PANK2: variants seen among roughly 807,000 people sequenced by gnomAD.
PANK2 encodes the protein pantothenate kinase 2.
PANK2 carries 36 observed loss-of-function variants against 43.1 expected under a neutral mutation model. That is an observed-to-expected ratio of 0.84 (90% confidence interval 0.64 to 1.10). The LOEUF (loss-of-function observed/expected upper bound fraction) is 1.10. Ranked by LOEUF, PANK2 falls within the 50% of genes least tolerant of loss-of-function variation. The pLI is 0.00. For synonymous variants in PANK2, 281 were observed against 238.2 expected (o/e 1.18, Z -1.66); for missense variants, 576 against 593.3 (o/e 0.97, Z 0.30).
rs541656813 is a variant in PANK2 at position 3,928,716 on chromosome 20, C to G, written c.*5422C>G. ...TGGGCCAAGATCGTGCCACTGCATT[C>G]CAGCCTGGGTGACAGAGCGAGACTC... is the stretch of plus-strand genomic sequence containing the variant. On this transcript the variant is annotated 3_prime_UTR_variant, in exon 7 of 7. Coordinates refer to ENST00000610179, the MANE Select transcript of PANK2 (RefSeq NM_001386393.1). 2.0e-3 allele frequency: 242 copies of G among 120,612 alleles called. No homozygotes were observed. Among genetic ancestry groups the G allele is most frequent in the African/African-American group, 7.3e-3 (237 of 32,472 alleles). The allele number at this position is 120,612 out of a possible 1,614,324, so 7.5% of individuals were successfully genotyped here.
At chr20:3,906,251 C>T (rs1309303549) in intron 1 of PANK2, among the ~76,000 whole-genome samples, 1 of 151,888 alleles carries the variant, frequency 6.6e-6, no homozygotes, top group Non-Finnish European at 1.5e-5. Context: ...TGGGGAAACC[C>T]TGTTTCTACA....
intron 1 of PANK2, among the ~76,000 whole-genome samples, chr20:3,903,523 A>G (rs564620706): frequency 2.2e-5 from 3 of 138,734 alleles, no homozygotes; most frequent in African/African-American, 8.3e-5. Context: ...CTGGAGTGCA[A>G]TGGCATGATC....
At chr20:3,889,760 G>GCCCCC in intron 1 of PANK2, 32 bp downstream of exon 1, 1 of 649,532 alleles carries the variant, frequency 1.5e-6, no homozygotes, top group Non-Finnish European at 2.4e-6. Flanking sequence ...CTCCCGGCCC[G>GCCCCC]CCCTGCCCCC....
chr20:3,904,691 C>G (rs2090357821), intron 1 of PANK2, among the ~76,000 whole-genome samples: 1 of 152,284 alleles, frequency 6.6e-6, no homozygotes, highest in South Asian at 2.1e-4. Context: ...ACACATCTGG[C>G]AATCGTTTTT....
chr20:3,892,654 C>T (rs992021044), intron 1 of PANK2, among the ~76,000 whole-genome samples: 50 of 122,576 alleles, frequency 4.1e-4, no homozygotes, highest in African/African-American at 1.5e-3. Flanking sequence ...CCAGCCTGGG[C>T]GACAGAGCGA....
chr20:3,889,721 G>A lies in PANK2; in HGVS notation c.291G>A (p.Lys97=), dbSNP rs764439399. ...AGCGCGTCGAAAGCCTGAGGAAAAA[G>A]CGGCCGCGTAAGTGTTCCGTGGGGC... Residue 97 remains lysine (K), a synonymous_variant, in exon 1 of 7, where the codon AAG becomes AAA. Transcript: ENST00000610179. 6.7e-5 allele frequency: 107 copies of A among 1,595,776 alleles called. No homozygotes were observed. The highest frequency in any genetic ancestry group is 8.8e-5 in the Non-Finnish European group (104 of 1,179,118).
intron 6 of PANK2, among the ~76,000 whole-genome samples, chr20:3,919,354 A>G (rs2090613540): frequency 6.6e-6 from 1 of 152,140 alleles, no homozygotes; most frequent in African/African-American, 2.4e-5. Flanking sequence ...TTCTGATGCC[A>G]TATTTTTGTC....
At chr20:3,901,586 C>T (rs2090302823) in intron 1 of PANK2, 5 of 981,552 alleles carry the variant, frequency 5.1e-6, no homozygotes, top group Non-Finnish European at 6.0e-6. Context: ...TCTCCCTTCT[C>T]TTCCCTCTTC....
intron 6 of PANK2, among the ~76,000 whole-genome samples, chr20:3,922,103 G>A (rs964489513): frequency 5.3e-5 from 8 of 152,246 alleles, no homozygotes; most frequent in African/African-American, 1.4e-4. Context: ...TTTCGTGAAA[G>A]ATAGAGTGGT....
chr20:3,889,414 C>A lies in PANK2; in HGVS notation c.-17C>A. On this transcript the variant is annotated 5_prime_UTR_variant, in exon 1 of 7. Transcript: ENST00000610179. Reference sequence around the variant, plus strand: ...TCTGGCTGGACTGCCGCGGAGGAGGCGAGAAGGAATCCGACGCTGGGGGGC... The same window carrying A: ...TCTGGCTGGACTGCCGCGGAGGAGGAGAGAAGGAATCCGACGCTGGGGGGC... The A allele has an allele frequency of 1.3e-6, 2 of 1,570,832 alleles. No homozygotes were observed. The highest frequency in any genetic ancestry group is 2.3e-5 in the East Asian group (1 of 42,810).
chr20:3,889,666 C>G lies in PANK2; in HGVS notation c.236C>G (p.Ser79Cys). ...GGCACGAGGCGGGATCGACTGGGCT[C>G]TTACAGCGGCCCCACCTCGGTCTCC... Residue 79 changes from serine to cysteine, a missense_variant, in exon 1 of 7, where the codon TCT (serine) becomes TGT (cysteine). By Grantham distance (112) the Ser-to-Cys change is moderately radical (BLOSUM62 -1). Transcript: ENST00000610179. 6.3e-7 allele frequency: 1 copy of G among 1,590,144 alleles called. No homozygotes were observed.
rs1322660196 is a variant in PANK2 at position 3,928,779 on chromosome 20, A to T, written c.*5485A>T. Reference sequence around the variant, plus strand: ...AAAAAAAAAAAAAAAAAAAAAAAAAATTGTTGGGGTAATTTCTGTTGTCAA... The same window carrying T: ...AAAAAAAAAAAAAAAAAAAAAAAAATTTGTTGGGGTAATTTCTGTTGTCAA... On this transcript the variant is annotated 3_prime_UTR_variant, in exon 7 of 7. Coordinates refer to ENST00000610179, the MANE Select transcript of PANK2 (RefSeq NM_001386393.1). 7.1e-6 allele frequency: 1 copy of T among 141,642 alleles called. No homozygotes were observed. 8.8% of individuals were successfully genotyped at this position (141,642 alleles called of 1,614,324 possible).
chr20:3,889,263 G>A, upstream of PANK2: 1 of 1,612,300 alleles, frequency 6.2e-7, no homozygotes, highest in South Asian at 1.1e-5. Flanking sequence ...CGGAGGCACG[G>A]TCAATCCTCC....
chr20:3,916,633 T>C (rs2090564186), intron 4 of PANK2, among the ~76,000 whole-genome samples: 1 of 152,162 alleles, frequency 6.6e-6, no homozygotes. Flanking sequence ...GCAGGAGCAA[T>C]GGTGCCTTCC....
At chr20:3,894,571 A>G (rs1042800662) in intron 1 of PANK2, among the ~76,000 whole-genome samples, 1 of 150,886 alleles carries the variant, frequency 6.6e-6, no homozygotes, top group African/African-American at 2.4e-5. Flanking sequence ...TGATTTATCA[A>G]CTTTTTATTT....
Position 3,923,511 on chromosome 20 carries a change from C to T in PANK2, c.*217C>T, listed in dbSNP as rs2090678980. The T allele has an allele frequency of 1.7e-6, 1 of 592,432 alleles. No homozygotes were observed. The highest frequency in any genetic ancestry group is 2.0e-5 in the South Asian group (1 of 48,906). 36.7% of individuals were successfully genotyped at this position (592,432 alleles called of 1,614,324 possible). On this transcript the variant is annotated 3_prime_UTR_variant, in exon 7 of 7. Coordinates refer to ENST00000610179, the MANE Select transcript of PANK2 (RefSeq NM_001386393.1). ...TATTAAAAACAACAAAAAAGTGGCACATGTCCAGGCAGTGTGAGGATTTGC... is the reference window on the plus strand; with the variant it reads ...TATTAAAAACAACAAAAAAGTGGCATATGTCCAGGCAGTGTGAGGATTTGC...
chr20:3,892,929 T>C (rs2090147528), intron 1 of PANK2, among the ~76,000 whole-genome samples: 1 of 151,954 alleles, frequency 6.6e-6, no homozygotes, highest in African/African-American at 2.4e-5. Flanking sequence ...TCTTCAAAAG[T>C]TTTGCATCAG....
intron 4 of PANK2, among the ~76,000 whole-genome samples, chr20:3,912,930 CAAAAAAA>C (rs71331078): frequency 0.026 from 1,854 of 71,554 alleles, 45 homozygotes; most frequent in African/African-American, 0.094. Context: ...GACTCTGTCT[CAAAAAAA>C]AAAAAAAAAA....
chr20:3,900,778 G>GT (rs777490873), intron 1 of PANK2, among the ~76,000 whole-genome samples: 81 of 151,358 alleles, frequency 5.4e-4, no homozygotes, highest in Admixed American at 6.0e-4. Flanking sequence ...TTATTTTTAA[G>GT]TTTTTTTTGA....
Sources: gnomAD v4.1 joint callset for allele counts (sites outside exome capture counted in the v4.1 genomes callset) on GRCh38, gnomAD v4.1.1 for gene constraint, MANE v1.5 for transcripts, NCBI Gene and HGNC (gene_info 2026-07-23, HGNC 2026-07-21) for gene names.